The following NDRG3 variants were observed in gnomAD, a reference collection of about 807,000 sequenced individuals.
NDRG3 encodes NDRG family member 3.
Under a neutral mutation model 57.2 loss-of-function variants are expected in NDRG3, and 23 were observed. That is an observed-to-expected ratio of 0.40 (90% CI 0.29 to 0.57). NDRG3 has a LOEUF of 0.57. Among genes scored for constraint, NDRG3 ranks in the 20% least tolerant of loss-of-function variants. The probability of loss-of-function intolerance (pLI) is 0.42; values close to 1 mark genes in which losing one functional copy is unlikely to be tolerated. For missense variants in NDRG3, 384 were observed against 457.3 expected (o/e 0.84, Z 1.46); for synonymous variants, 132 against 162.6 (o/e 0.81, Z 1.43).
chr20:36,673,952 A>G (rs1448094894), intron 8 of NDRG3, among the ~76,000 whole-genome samples: 1 of 151,818 alleles, frequency 6.6e-6, no homozygotes, highest in Non-Finnish European at 1.5e-5. Context: ...AAAATACAAA[A>G]ATTAGCTGGG....
chr20:36,667,503 T>A (rs1392477869), intron 9 of NDRG3, among the ~76,000 whole-genome samples: 1 of 152,084 alleles, frequency 6.6e-6, no homozygotes, highest in Non-Finnish European at 1.5e-5. Context: ...AACAAAATGG[T>A]CTATGCAGTG....
At chr20:36,679,002 G>A (rs1322865549) in intron 8 of NDRG3, among the ~76,000 whole-genome samples, 2 of 152,120 alleles carry the variant, frequency 1.3e-5, no homozygotes, top group African/African-American at 2.4e-5. Context: ...CCAGGCTGGC[G>A]TGCAGTGGCA....
chr20:36,707,095 C>A, intron 2 of NDRG3, 88 bp from the exon 3 acceptor site: 3 of 1,171,008 alleles, frequency 2.6e-6, no homozygotes, highest in South Asian at 1.3e-5. Flanking sequence ...GACAGCAGTG[C>A]ATGTGCAGCC....
intron 12 of NDRG3, among the ~76,000 whole-genome samples, chr20:36,663,669 G>A (rs1246083009): frequency 6.6e-6 from 1 of 152,130 alleles, no homozygotes; most frequent in Non-Finnish European, 1.5e-5. Context: ...TTTCTGGAAA[G>A]GAACCTGGCA....
chr20:36,702,378 C>T (rs1406643509), intron 3 of NDRG3, among the ~76,000 whole-genome samples: 2 of 152,082 alleles, frequency 1.3e-5, no homozygotes, highest in African/African-American at 2.4e-5. Flanking sequence ...CCTCATGATC[C>T]GCCCACCTCG....
chr20:36,722,364 C>T (rs1984642003), intron 1 of NDRG3, among the ~76,000 whole-genome samples: 1 of 152,204 alleles, frequency 6.6e-6, no homozygotes, highest in Non-Finnish European at 1.5e-5. Flanking sequence ...ACACAGCCCA[C>T]ACCAGACTCC....
At chr20:36,720,716 A>G (rs1984539262) in intron 2 of NDRG3, among the ~76,000 whole-genome samples, 2 of 151,994 alleles carry the variant, frequency 1.3e-5, no homozygotes. Flanking sequence ...TTGAAACTGA[A>G]AGTCAAGACA....
chr20:36,697,044 G>A (rs750685985), intron 3 of NDRG3, among the ~76,000 whole-genome samples: 2 of 152,158 alleles, frequency 1.3e-5, no homozygotes, highest in African/African-American at 4.8e-5. Context: ...CTGGGGTTCT[G>A]GGTGGCCAGG....
intron 3 of NDRG3, among the ~76,000 whole-genome samples, chr20:36,689,262 C>G (rs1420530829): frequency 6.6e-6 from 1 of 152,124 alleles, no homozygotes; most frequent in Non-Finnish European, 1.5e-5. Flanking sequence ...TTCCTACTTT[C>G]CAATTCTTCC....
intron 1 of NDRG3, among the ~76,000 whole-genome samples, chr20:36,735,970 CAAAAAA>C (rs576981000): frequency 2.0e-5 from 1 of 50,966 alleles, no homozygotes; most frequent in Non-Finnish European, 4.1e-5. Flanking sequence ...GGCCCTGTCT[CAAAAAA>C]AAAAAAAAAA....
At chr20:36,690,768 C>T (rs1372325013) in intron 3 of NDRG3, among the ~76,000 whole-genome samples, 31 of 58,362 alleles carry the variant, frequency 5.3e-4, no homozygotes, top group African/African-American at 2.4e-3. Context: ...AAAGATGCAC[C>T]GAGCAAAGCT....
intron 3 of NDRG3, among the ~76,000 whole-genome samples, chr20:36,701,895 G>T (rs185747660): frequency 1.4e-5 from 2 of 147,104 alleles, no homozygotes; most frequent in East Asian, 4.1e-4. Context: ...TTTTAAGAAT[G>T]TAAGAGTTTA....
intron 2 of NDRG3, among the ~76,000 whole-genome samples, chr20:36,716,084 G>A (rs1450051591): frequency 6.6e-6 from 1 of 152,030 alleles, no homozygotes; most frequent in African/African-American, 2.4e-5. Context: ...AACAGAGCAA[G>A]CCCTTGGCAT....
chr20:36,662,397 T>A (rs1294843184), intron 12 of NDRG3, among the ~76,000 whole-genome samples: 1 of 152,094 alleles, frequency 6.6e-6, no homozygotes, highest in Non-Finnish European at 1.5e-5. Flanking sequence ...TTTGTATTTT[T>A]AGTAGAGACA....
intron 8 of NDRG3, among the ~76,000 whole-genome samples, chr20:36,679,062 T>A (rs2148084476): frequency 6.6e-6 from 1 of 152,352 alleles, no homozygotes; most frequent in East Asian, 1.9e-4. Context: ...GCAATTCTCC[T>A]GCCTCAGCCT....
At chr20:36,660,538 A>ATATTTATTTATT (rs200399384) in intron 12 of NDRG3, among the ~76,000 whole-genome samples, 154 bp from the exon 13 acceptor site, 2 of 150,036 alleles carry the variant, frequency 1.3e-5, no homozygotes, top group African/African-American at 4.9e-5. Context: ...AGTGGGAGAT[A>ATATTTATTTATT]TATTTATTTA....
At chr20:36,709,246 T>C (rs1983732189) in intron 2 of NDRG3, among the ~76,000 whole-genome samples, 1 of 152,154 alleles carries the variant, frequency 6.6e-6, no homozygotes, top group Non-Finnish European at 1.5e-5. Flanking sequence ...TCTCAAGTGC[T>C]CATACTCTTG....
chr20:36,721,842 T>C (rs1026543435), intron 1 of NDRG3, 59 bp from the exon 2 acceptor site: 4 of 746,378 alleles, frequency 5.4e-6, no homozygotes, highest in Non-Finnish European at 6.9e-6. Context: ...GGAAACATAA[T>C]AGTCACAGTA....
intron 3 of NDRG3, among the ~76,000 whole-genome samples, chr20:36,693,147 CACACACATAT>C (rs1982468081): frequency 2.2e-5 from 2 of 88,954 alleles, no homozygotes; most frequent in South Asian, 7.8e-4. Context: ...TATATACACA[CACACACATAT>C]ACACATATAT....
Sources: gnomAD v4.1 joint callset for allele counts (sites outside exome capture counted in the v4.1 genomes callset) on GRCh38, gnomAD v4.1.1 for gene constraint, MANE v1.5 for transcripts, NCBI Gene and HGNC (gene_info 2026-07-23, HGNC 2026-07-21) for gene names.